Variants in SLCO5A1 observed in about 807,000 individuals in gnomAD.
SLCO5A1 encodes organic anion transporter polypeptide-related protein 4.
SLCO5A1 carries 39 observed loss-of-function variants against 65.1 expected under a neutral mutation model. That is an observed-to-expected ratio of 0.60 (90% CI 0.46 to 0.78). The LOEUF (loss-of-function observed/expected upper bound fraction) is 0.78. SLCO5A1 is among the 30% of genes least tolerant of loss of function. The probability of loss-of-function intolerance (pLI) is 0.00; values close to 1 mark genes in which losing one functional copy is unlikely to be tolerated. For synonymous variants in SLCO5A1, 438 were observed against 415.7 expected (o/e 1.05, Z -0.65); for missense variants, 1,029 against 1,069.4 (o/e 0.96, Z 0.53).
chr8:69,791,397 C>A (rs1216151175), intron 2 of SLCO5A1, among the ~76,000 whole-genome samples: 2 of 152,166 alleles, frequency 1.3e-5, no homozygotes, highest in Non-Finnish European at 2.9e-5. Flanking sequence ...AAATCCAAGA[C>A]ATGGATGTAC....
chr8:69,784,837 A>AAGAAAGAAAGAG (rs1818950812), intron 2 of SLCO5A1, among the ~76,000 whole-genome samples: 1 of 147,702 alleles, frequency 6.8e-6, no homozygotes, highest in African/African-American at 2.5e-5. Flanking sequence ...GAAAGAAAGA[A>AAGAAAGAAAGAG]AGAAAGAAAG....
At chr8:69,758,152 G>A (rs1274645582) in intron 3 of SLCO5A1, among the ~76,000 whole-genome samples, 1 of 152,074 alleles carries the variant, frequency 6.6e-6, no homozygotes, top group African/African-American at 2.4e-5. Flanking sequence ...CTAGTTTTGT[G>A]TGTCTGGTTT....
At position 69,767,468 on chromosome 8, in the gene SLCO5A1, C is replaced by G. The variant is rs192371345; in HGVS notation, c.908-5593G>C. ...TAGGACCTTGAGCAAGTTGCTTAAG[C>G]TCTCTGAGCCTGTTTCCTCATCTGT... is the stretch of plus-strand genomic sequence containing the variant. On this transcript the variant is annotated intron_variant, in intron 2 of 9. Coordinates refer to ENST00000260126, the MANE Select transcript of SLCO5A1 (RefSeq NM_030958.3). 1.9e-3 allele frequency among the ~76,000 whole-genome samples: 297 copies of G among 152,318 alleles called. 1 individual carries two copies. The highest frequency in any genetic ancestry group is 3.4e-3 in the Non-Finnish European group (228 of 68,034).
At chr8:69,708,936 G>A (rs1428982131) in intron 5 of SLCO5A1, among the ~76,000 whole-genome samples, 1 of 152,090 alleles carries the variant, frequency 6.6e-6, no homozygotes, top group Non-Finnish European at 1.5e-5. Flanking sequence ...AAGAAACCAA[G>A]GAGAGAGTTT....
chr8:69,821,458 A>G (rs931056719), intron 2 of SLCO5A1, among the ~76,000 whole-genome samples: 12 of 150,594 alleles, frequency 8.0e-5, no homozygotes, highest in African/African-American at 2.7e-4. Flanking sequence ...GGAGAAGGAG[A>G]GGGAGCAGGA....
In SLCO5A1 at chr8:69,832,231, T is replaced by A. The variant is rs1821187705; in HGVS notation, c.443A>T (p.Tyr148Phe). ...TFIQALMVSG[Y>F]LSSVITTIER... ...AATGGTGGTAATTACGCTGCTCAGG[T>A]ACCCAGAGACCATTAACGCCTGGAT... The change falls in exon 2 of 10, where the codon TAC becomes TTC. Residue 148 changes from tyrosine to phenylalanine, a missense_variant. By Grantham distance (22) the Tyr-to-Phe change is conservative (BLOSUM62 3). This residue lies in a region of SLCO5A1 where 647 missense variants were observed against 647.5 expected (regional missense o/e 1.00). Transcript: ENST00000260126. The surrounding 1 kb of genome is among the most constrained non-coding windows in gnomAD (Gnocchi z 4.5). 1 of 1,614,106 alleles carries A rather than the reference T, an allele frequency of 6.2e-7. No homozygotes were observed. Among genetic ancestry groups the A allele is most frequent in the African/African-American group, 1.3e-5 (1 of 75,012 alleles).
intron 7 of SLCO5A1, among the ~76,000 whole-genome samples, chr8:69,680,412 C>T (rs900086393): frequency 3.9e-5 from 6 of 152,148 alleles, no homozygotes; most frequent in African/African-American, 9.7e-5. Flanking sequence ...TGCATTAATT[C>T]ACTTAGGATA....
intron 8 of SLCO5A1, among the ~76,000 whole-genome samples, chr8:69,677,471 T>G (rs549060754): frequency 6.6e-6 from 1 of 152,348 alleles, no homozygotes; most frequent in Admixed American, 6.5e-5. Flanking sequence ...ATGATTCATG[T>G]CTTTTTAATG....
At chr8:69,722,954 G>A (rs571924685) in intron 5 of SLCO5A1, among the ~76,000 whole-genome samples, 133 of 152,256 alleles carry the variant, frequency 8.7e-4, no homozygotes, top group African/African-American at 2.7e-3. Context: ...CAATATATGA[G>A]ACTATAGTAA....
intron 5 of SLCO5A1, among the ~76,000 whole-genome samples, chr8:69,715,472 T>C (rs1248729183): frequency 6.6e-6 from 1 of 152,238 alleles, no homozygotes; most frequent in Non-Finnish European, 1.5e-5. Flanking sequence ...CTCTGTCCAT[T>C]GTTGTCCAAA....
At chr8:69,815,121 A>G (rs969515657) in intron 2 of SLCO5A1, among the ~76,000 whole-genome samples, 7 of 152,192 alleles carry the variant, frequency 4.6e-5, no homozygotes, top group African/African-American at 1.7e-4. Flanking sequence ...AGAGTGTGGT[A>G]CATTTCACAA....
At chr8:69,814,004 T>C (rs1300759144) in intron 2 of SLCO5A1, among the ~76,000 whole-genome samples, 1 of 152,212 alleles carries the variant, frequency 6.6e-6, no homozygotes, top group Non-Finnish European at 1.5e-5. Context: ...AGAAGTAGGA[T>C]AACTACTACA....
chr8:69,784,198 T>TTA (rs1818916039), intron 2 of SLCO5A1, among the ~76,000 whole-genome samples: 1 of 152,200 alleles, frequency 6.6e-6, no homozygotes, highest in Non-Finnish European at 1.5e-5. Context: ...TACAATTCAA[T>TTA]AATTAGAAGA....
At chr8:69,740,585 C>T (rs775572956) in intron 4 of SLCO5A1, among the ~76,000 whole-genome samples, 75 of 152,292 alleles carry the variant, frequency 4.9e-4, no homozygotes, top group Admixed American at 8.5e-4. Context: ...GAAGTAATGA[C>T]ACCCTGGTAG....
intron 2 of SLCO5A1, among the ~76,000 whole-genome samples, chr8:69,822,913 G>A (rs1204220543): frequency 6.6e-6 from 1 of 152,156 alleles, no homozygotes; most frequent in Non-Finnish European, 1.5e-5. Flanking sequence ...GTGAAGTCAG[G>A]GCTGGCAATT....
chr8:69,685,261 A>G (rs1813954991), intron 6 of SLCO5A1, among the ~76,000 whole-genome samples: 1 of 152,210 alleles, frequency 6.6e-6, no homozygotes, highest in African/African-American at 2.4e-5. Context: ...TCTGATTGTC[A>G]TTCACTCTCC....
intron 6 of SLCO5A1, among the ~76,000 whole-genome samples, chr8:69,688,600 T>A (rs1814103050): frequency 6.7e-6 from 1 of 149,670 alleles, no homozygotes; most frequent in Non-Finnish European, 1.5e-5. Flanking sequence ...GGTTTTTTTG[T>A]CCTTGCGATA....
rs1813330082 is a variant in SLCO5A1, at chr8:69,671,600, A to C, written c.*1269T>G. On this transcript the variant is annotated 3_prime_UTR_variant, in exon 10 of 10. Transcript: ENST00000260126. ...GAAAAGAATGATGGGTAATGAACCC[A>C]AAGTGCATTTAGGAACAGAAAAATC... The C allele has an allele frequency of 6.6e-6, 1 of 152,246 alleles. No homozygotes were observed. Among genetic ancestry groups the C allele is most frequent in the Non-Finnish European group, 1.5e-5 (1 of 68,048 alleles). The allele number at this position is 152,246 out of a possible 1,614,324, so 9.4% of individuals were successfully genotyped here.
At chr8:69,673,979 A>G (rs887192581) in intron 9 of SLCO5A1, among the ~76,000 whole-genome samples, 2 of 152,242 alleles carry the variant, frequency 1.3e-5, no homozygotes, top group Admixed American at 6.5e-5. Context: ...TGTCTGGGCT[A>G]TGACATAGAC....
Sources: allele counts gnomAD v4.1 joint callset (sites outside exome capture counted in the v4.1 genomes callset), GRCh38; gene constraint gnomAD v4.1.1; regional missense constraint gnomAD v4.1.1; non-coding constraint Gnocchi (gnomAD v3.1); transcripts MANE v1.5; gene names NCBI Gene and HGNC (gene_info 2026-07-23, HGNC 2026-07-21).